Variants in GAD1 observed in about 807,000 individuals in gnomAD.
The protein encoded by GAD1 is glutamate decarboxylase 1, also known as 67 kDa glutamic acid decarboxylase.
GAD1 carries 35 observed loss-of-function variants against 75.2 expected under a neutral mutation model. The ratio of observed to expected loss-of-function variants is 0.47; its 90% confidence interval spans 0.36 to 0.62. The LOEUF is 0.62. Ranked by LOEUF, GAD1 falls within the 20% of genes least tolerant of loss-of-function variation. The pLI is 0.00. For missense variants in GAD1, 490 were observed against 758.5 expected (o/e 0.65, Z 4.16); for synonymous variants, 257 against 271.9 (o/e 0.95, Z 0.54).
chr2:170,837,322 A>T (rs2105788369), intron 6 of GAD1, among the ~76,000 whole-genome samples: 1 of 152,374 alleles, frequency 6.6e-6, no homozygotes, highest in Admixed American at 6.5e-5. Flanking sequence ...TTAACTAAAA[A>T]TTCTAAAACA....
Position 170,853,755 on chromosome 2 carries a change from A to T in GAD1, c.1264-118A>T. The T allele has an allele frequency of 2.1e-6, 2 of 974,076 alleles. No individual in the cohort carries two copies. Among genetic ancestry groups the T allele is most frequent in the East Asian group, 2.4e-5 (1 of 41,714 alleles). 60.3% of individuals were successfully genotyped at this position (974,076 alleles called of 1,614,324 possible). ...AGAACAAGTGTAAGGCCTCATAAAG[A>T]CATCAGAAGAAAGATTGCATATGAC... On this transcript the variant is annotated intron_variant, in intron 13 of 16. Transcript: ENST00000358196. This position sits in a 1 kb window ranked among gnomAD's most constrained non-coding sequence, Gnocchi z 4.1.
At position 170,857,708 on chromosome 2, in the gene GAD1, C is replaced by T. The variant is rs1037623984; in HGVS notation, c.1521+583C>T. Among the ~76,000 whole-genome samples the T allele has an allele frequency of 6.6e-5, 10 of 152,280 alleles. 1 individual carries two copies. Among genetic ancestry groups the T allele is most frequent in the Non-Finnish European group, 1.5e-4 (10 of 68,016 alleles). On this transcript the variant is annotated intron_variant, in intron 15 of 16. Coordinates refer to ENST00000358196, the MANE Select transcript of GAD1 (RefSeq NM_000817.3). ...AGACTTGTTCTAAAATAAGGTTCTA[C>T]TTAACATAGACTCATAAGGAAGAGA...
intron 6 of GAD1, among the ~76,000 whole-genome samples, chr2:170,842,126 C>G (rs1702530478): frequency 6.6e-6 from 1 of 152,140 alleles, no homozygotes; most frequent in African/African-American, 2.4e-5. Flanking sequence ...GTTCCTGGTC[C>G]TTGGGGAGGC....
intron 12 of GAD1, among the ~76,000 whole-genome samples, chr2:170,852,321 A>G (rs1702759911): frequency 6.6e-6 from 1 of 152,200 alleles, no homozygotes; most frequent in African/African-American, 2.4e-5. Flanking sequence ...CTCCCCATTT[A>G]AAAGAAACTG....
intron 12 of GAD1, among the ~76,000 whole-genome samples, chr2:170,851,729 T>C (rs889672785): frequency 6.6e-6 from 1 of 152,206 alleles, no homozygotes; most frequent in Non-Finnish European, 1.5e-5. Context: ...AAGTTACCCA[T>C]GTTTTCATCA....
At chr2:170,843,972 A>G in intron 6 of GAD1, 73 bp from the exon 7 acceptor site, 2 of 828,370 alleles carry the variant, frequency 2.4e-6, no homozygotes, top group East Asian at 2.5e-5. Context: ...TACTAAACCA[A>G]TCCTCTGTGT....
chr2:170,845,846 T>A (rs1702619516), intron 9 of GAD1, 61 bp downstream of exon 9: 5 of 1,546,086 alleles, frequency 3.2e-6, no homozygotes, highest in East Asian at 2.2e-5. Flanking sequence ...TCTGTTAAAT[T>A]TGTTTTATTG....
intron 2 of GAD1, among the ~76,000 whole-genome samples, chr2:170,821,178 G>A (rs1220725412): frequency 2.0e-5 from 3 of 152,226 alleles, no homozygotes; most frequent in Non-Finnish European, 2.9e-5. Context: ...GAGATTGGAA[G>A]GGGATTTCGT....
chr2:170,822,088 G>A lies in GAD1; in HGVS notation c.84G>A (p.Thr28=), dbSNP rs566509021. ...DPNTTNLRPT[T]YDTWCGVAHG... ...CTCTCTCCCTCTCTCTCGTCCTAGC[G>A]TACGATACCTGGTGCGGCGTGGCCC... The change falls in exon 3 of 17, where the codon ACG becomes ACA. Residue 28 remains threonine, a splice_region_variant and synonymous_variant. Coordinates refer to ENST00000358196, the MANE Select transcript of GAD1 (RefSeq NM_000817.3). 3.7e-6 allele frequency: 6 copies of A among 1,609,190 alleles called. No individual in the cohort carries two copies. The highest frequency in any genetic ancestry group is 1.7e-4 in the Middle Eastern group (1 of 6,054).
intron 10 of GAD1, among the ~76,000 whole-genome samples, chr2:170,846,641 G>T (rs1296790455): frequency 6.6e-6 from 1 of 152,212 alleles, no homozygotes; most frequent in Non-Finnish European, 1.5e-5. Flanking sequence ...ATTTGCTGGG[G>T]TCTTGGCACA....
chr2:170,842,628 G>C (rs1702542436), intron 6 of GAD1: 1 of 1,614,122 alleles, frequency 6.2e-7, no homozygotes, highest in East Asian at 2.2e-5. Flanking sequence ...CAGAACCAAA[G>C]CATGATTGTG....
Position 170,822,104 on chromosome 2 carries a change from G to A in GAD1, c.100G>A (p.Gly34Ser), listed in dbSNP as rs1355181677. 3.1e-6 allele frequency: 5 copies of A among 1,611,430 alleles called. No homozygotes were observed. Among genetic ancestry groups the A allele is most frequent in the East Asian group, 2.2e-5 (1 of 44,828 alleles). ...LRPTTYDTWC[G>S]VAHGCTRKLG... Reference sequence around the variant, plus strand: ...CGTCCTAGCGTACGATACCTGGTGCGGCGTGGCCCATGGATGCACCAGAAA... The same window carrying A: ...CGTCCTAGCGTACGATACCTGGTGCAGCGTGGCCCATGGATGCACCAGAAA... The change falls in exon 3 of 17, where the codon GGC becomes AGC. Residue 34 changes from glycine (G) to serine (S), a missense_variant. Coordinates refer to ENST00000358196, the MANE Select transcript of GAD1 (RefSeq NM_000817.3).
At position 170,859,872 on chromosome 2, in the gene GAD1, A is replaced by G; in HGVS notation, c.1775A>G (p.Gln592Arg). The G allele has an allele frequency of 6.2e-7, 1 of 1,614,102 alleles. No individual in the cohort carries two copies. The highest frequency in any genetic ancestry group is 8.5e-7 in the Non-Finnish European group (1 of 1,179,990). Reference sequence around the variant, plus strand: ...ATTGAGGAGATAGAAAGACTGGGCCAGGATCTGTAATCATCCTTCGCAGAA... The same window carrying G: ...ATTGAGGAGATAGAAAGACTGGGCCGGGATCTGTAATCATCCTTCGCAGAA... ...FLIEEIERLG[Q>R]DL Residue 592 changes from glutamine (Q) to arginine (R), a missense_variant, in exon 17 of 17, where the codon CAG becomes CGG. By Grantham distance (43) the Gln-to-Arg change is conservative. Transcript: ENST00000358196.
At chr2:170,831,849 T>C (rs1318733213) in intron 5 of GAD1, among the ~76,000 whole-genome samples, 2 of 149,538 alleles carry the variant, frequency 1.3e-5, no homozygotes, top group Non-Finnish European at 3.0e-5. Context: ...CTGGGCATGG[T>C]GGCGTGCACC....
chr2:170,838,276 T>C (rs2105789503), intron 6 of GAD1, among the ~76,000 whole-genome samples: 1 of 152,320 alleles, frequency 6.6e-6, no homozygotes, highest in African/African-American at 2.4e-5. Flanking sequence ...GGAATACAGG[T>C]CAAAGATACA....
At chr2:170,829,381 A>G in intron 3 of GAD1, 94 bp from the exon 4 acceptor site, 3 of 1,382,248 alleles carry the variant, frequency 2.2e-6, no homozygotes, top group Non-Finnish European at 3.1e-6. Context: ...AGGAGAAACA[A>G]GAGCCCTGCT....
chr2:170,853,569 T>C lies in GAD1; in HGVS notation c.1264-304T>C. The C allele has an allele frequency of 2.8e-6, 1 of 359,782 alleles. No homozygotes were observed. Among genetic ancestry groups the C allele is most frequent in the Admixed American group, 3.8e-5 (1 of 26,640 alleles). 22.3% of individuals were successfully genotyped at this position (359,782 alleles called of 1,614,324 possible). A position where few individuals can be genotyped will look rare whatever the true frequency, so the allele number is the denominator to read the frequency against. ...TTTTCTATCTCTAACCCTGGCCCAC[T>C]GAATGCCGTAGCACTTCCCAATCTT... On this transcript the variant is annotated intron_variant, in intron 13 of 16. Coordinates refer to ENST00000358196, the MANE Select transcript of GAD1 (RefSeq NM_000817.3). This position sits in a 1 kb window ranked among gnomAD's most constrained non-coding sequence, Gnocchi z 4.1.
intron 5 of GAD1, among the ~76,000 whole-genome samples, chr2:170,834,476 C>G (rs1559276893): frequency 6.6e-6 from 1 of 152,128 alleles, no homozygotes; most frequent in Non-Finnish European, 1.5e-5. Flanking sequence ...AAAAAATGAA[C>G]CAGCCTATAG....
chr2:170,831,272 TTG>T, intron 5 of GAD1, 80 bp downstream of exon 5: 1 of 1,501,858 alleles, frequency 6.7e-7, no homozygotes, highest in Non-Finnish European at 9.3e-7. Flanking sequence ...GATATCAAAC[TTG>T]TGTTGGAAGA....
Sources: allele counts gnomAD v4.1 joint callset (sites outside exome capture counted in the v4.1 genomes callset), GRCh38; gene constraint gnomAD v4.1.1; non-coding constraint Gnocchi (gnomAD v3.1); transcripts MANE v1.5; gene names NCBI Gene and HGNC (gene_info 2026-07-23, HGNC 2026-07-21).